ENPP2: variants seen among roughly 807,000 people sequenced by gnomAD.
ENPP2 encodes ectonucleotide pyrophosphatase/phosphodiesterase 2.
A neutral mutation model predicts 120.2 loss-of-function variants in ENPP2; 51 were observed. That is an observed-to-expected ratio of 0.42 (90% CI 0.34 to 0.54). The LOEUF (loss-of-function observed/expected upper bound fraction) is 0.54. Among genes scored for constraint, ENPP2 ranks in the 20% least tolerant of loss-of-function variants. The pLI is 0.04. For missense variants in ENPP2, 920 were observed against 1,066.5 expected, an observed-to-expected ratio of 0.86 and a Z score of 1.91; for synonymous variants, 365 against 366.4, an observed-to-expected ratio of 1.00 and a Z score of 0.04.
Position 119,562,865 on chromosome 8 carries a change from T to C in ENPP2, c.2413A>G (p.Ser805Gly), listed in dbSNP as rs1814080670. The stretch of plus-strand genomic sequence containing the variant: ...TCTCTCTGTAAACTCACATTGCAGC[T>C]CTCCTCGTTGTCAGGCCGGTGAGGC... Reference protein sequence around the residue: ...ILPHRPDNEESCNSSEDESKW... With the variant: ...ILPHRPDNEEGCNSSEDESKW... The change falls in exon 24 of 25, where the codon AGC becomes GGC. Residue 805 changes from serine to glycine, a missense_variant. Coordinates refer to ENST00000075322, the MANE Select transcript of ENPP2 (RefSeq NM_001040092.3). The C allele has an allele frequency of 6.2e-7, 1 of 1,613,868 alleles. No individual in the cohort carries two copies.
At chr8:119,650,186 C>CA (rs1240756617) in intron 1 of ENPP2, among the ~76,000 whole-genome samples, 2 of 152,178 alleles carry the variant, frequency 1.3e-5, no homozygotes, top group Non-Finnish European at 2.9e-5. Context: ...ATATGTGCTT[C>CA]AGCATCACAA....
intron 2 of ENPP2, among the ~76,000 whole-genome samples, chr8:119,627,812 A>T (rs1816386523): frequency 6.6e-6 from 1 of 151,696 alleles, no homozygotes; most frequent in Non-Finnish European, 1.5e-5. Context: ...CAGTGAGCAG[A>T]GATCGCACTA....
intron 1 of ENPP2, among the ~76,000 whole-genome samples, chr8:119,662,724 G>T (rs1378204938): frequency 2.6e-5 from 4 of 152,158 alleles, no homozygotes; most frequent in Non-Finnish European, 5.9e-5. Context: ...ACAATATCTG[G>T]CCTGCAGGCC....
intron 1 of ENPP2, 48 bp downstream of exon 1, chr8:119,638,700 T>C (rs981410677): frequency 2.5e-6 from 3 of 1,220,018 alleles, no homozygotes; most frequent in East Asian, 2.3e-5. Context: ...AATCAGTCAC[T>C]GATTCTGAAG....
chr8:119,652,203 G>A (rs994070697), intron 1 of ENPP2, among the ~76,000 whole-genome samples: 5 of 152,004 alleles, frequency 3.3e-5, no homozygotes, highest in Non-Finnish European at 5.9e-5. Flanking sequence ...GAAGGGTAAG[G>A]GTCTCTGTGG....
At chr8:119,573,546 C>A (rs541806939) in intron 19 of ENPP2, among the ~76,000 whole-genome samples, 4 of 152,146 alleles carry the variant, frequency 2.6e-5, no homozygotes, top group Non-Finnish European at 4.4e-5. Flanking sequence ...GGCATAGTGG[C>A]TCACGCCTGT....
At chr8:119,656,909 T>C (rs1817778943) in intron 1 of ENPP2, among the ~76,000 whole-genome samples, 1 of 152,156 alleles carries the variant, frequency 6.6e-6, no homozygotes, top group South Asian at 2.1e-4. Context: ...ATTTATATAA[T>C]ATCGTTTTTT....
chr8:119,627,253 G>A (rs997788997), intron 2 of ENPP2, among the ~76,000 whole-genome samples: 1 of 152,096 alleles, frequency 6.6e-6, no homozygotes, highest in Non-Finnish European at 1.5e-5. Flanking sequence ...TACAGTTTCA[G>A]CTAGTGTTTT....
At chr8:119,614,116 G>C (rs1815302281) in intron 8 of ENPP2, among the ~76,000 whole-genome samples, 1 of 147,972 alleles carries the variant, frequency 6.8e-6, no homozygotes, top group Non-Finnish European at 1.5e-5. Flanking sequence ...ACCCGGGCTG[G>C]AGTGCAATGG....
intron 1 of ENPP2, among the ~76,000 whole-genome samples, chr8:119,645,471 T>A (rs1817415805): frequency 6.6e-6 from 1 of 152,194 alleles, no homozygotes. Context: ...TAAATTTTCT[T>A]CCTATGTGAT....
chr8:119,628,604 C>T (rs1315832638), intron 2 of ENPP2, among the ~76,000 whole-genome samples: 1 of 151,796 alleles, frequency 6.6e-6, no homozygotes, highest in Non-Finnish European at 1.5e-5. Context: ...TGAGTCAGAT[C>T]GGTGTAGGCT....
chr8:119,607,826 A>G, intron 9 of ENPP2, 96 bp downstream of exon 9: 1 of 791,678 alleles, frequency 1.3e-6, no homozygotes, highest in Non-Finnish European at 2.0e-6. Context: ...CTATATTTTC[A>G]CATTTAACTG....
At chr8:119,565,079 G>A (rs374324439) in intron 22 of ENPP2, 124 bp from the exon 23 acceptor site, 23 of 734,014 alleles carry the variant, frequency 3.1e-5, no homozygotes, top group Admixed American at 1.1e-4. Flanking sequence ...GAGAGCTGTC[G>A]TGATTCATGA....
intron 4 of ENPP2, among the ~76,000 whole-genome samples, chr8:119,620,890 T>A (rs764251707): frequency 6.6e-6 from 1 of 152,132 alleles, no homozygotes; most frequent in Non-Finnish European, 1.5e-5. Context: ...GTACATCCAA[T>A]AGATAAAAAA....
chr8:119,659,674 A>T (rs1817867189), intron 1 of ENPP2, among the ~76,000 whole-genome samples: 1 of 152,184 alleles, frequency 6.6e-6, no homozygotes, highest in African/African-American at 2.4e-5. Flanking sequence ...TTAACACACC[A>T]CACACAGATT....
At chr8:119,604,122 G>A (rs1222688850) in intron 9 of ENPP2, among the ~76,000 whole-genome samples, 3 of 150,436 alleles carry the variant, frequency 2.0e-5, no homozygotes, top group Non-Finnish European at 2.9e-5. Flanking sequence ...CCACCTCCCC[G>A]GTTCAAGCTA....
intron 4 of ENPP2, among the ~76,000 whole-genome samples, chr8:119,619,565 A>T (rs576346803): frequency 6.6e-6 from 1 of 152,248 alleles, no homozygotes; most frequent in South Asian, 2.1e-4. Flanking sequence ...TTTGTAGATT[A>T]AAAAAACCAG....
At chr8:119,584,768 CA>C (rs1293666929) in intron 15 of ENPP2, among the ~76,000 whole-genome samples, 2 of 152,146 alleles carry the variant, frequency 1.3e-5, no homozygotes, top group African/African-American at 4.8e-5. Context: ...ACACCTTTTG[CA>C]AAAGTGTCAT....
Position 119,607,360 on chromosome 8 carries a change from G to A in ENPP2, c.833+562C>T, listed in dbSNP as rs531184736. Reference sequence around the variant, plus strand: ...AAAATCTAAAGGACATCCGGAAGGAGGAGAGACCATCTTACATTCTGTTGA... The same window carrying A: ...AAAATCTAAAGGACATCCGGAAGGAAGAGAGACCATCTTACATTCTGTTGA... On this transcript the variant is annotated intron_variant, in intron 9 of 24. Transcript: ENST00000075322. Among the ~76,000 whole-genome samples, 4 of 152,262 alleles carry A rather than the reference G, an allele frequency of 2.6e-5. No homozygotes were observed. In the East Asian group the frequency reaches 7.7e-4, roughly 29 times the overall value.
Sources: gnomAD v4.1 joint callset for allele counts (sites outside exome capture counted in the v4.1 genomes callset) on GRCh38, gnomAD v4.1.1 for gene constraint, MANE v1.5 for transcripts, NCBI Gene and HGNC (gene_info 2026-07-23, HGNC 2026-07-21) for gene names.